Variants in SUGCT observed in about 807,000 individuals in gnomAD.
SUGCT encodes succinyl-CoA:glutarate CoA-transferase.
Under a neutral mutation model 55.0 loss-of-function variants are expected in SUGCT, and 41 were observed. That is an observed-to-expected ratio of 0.74 (90% CI 0.58 to 0.97). SUGCT has a LOEUF of 0.97. Ranked by LOEUF, SUGCT falls within the 50% of genes least tolerant of loss-of-function variation. The pLI, the probability that SUGCT is intolerant of heterozygous loss-of-function variation, is 0.00. For synonymous variants in SUGCT, 187 were observed against 200.4 expected, an observed-to-expected ratio of 0.93 and a Z score of 0.56; for missense variants, 568 against 547.8, an observed-to-expected ratio of 1.04 and a Z score of -0.37.
intron 1 of SUGCT, among the ~76,000 whole-genome samples, chr7:40,138,600 T>C (rs1787818130): frequency 6.6e-6 from 1 of 152,222 alleles, no homozygotes; most frequent in Non-Finnish European, 1.5e-5. Flanking sequence ...TGCACTGATT[T>C]ACATTCCCAC....
At chr7:40,298,020 C>A (rs1263377887) in intron 8 of SUGCT, among the ~76,000 whole-genome samples, 1 of 151,346 alleles carries the variant, frequency 6.6e-6, no homozygotes, top group Non-Finnish European at 1.5e-5. Context: ...CCTTCCTTTC[C>A]TTTCCCTTCC....
chr7:40,888,413 T>G, the SUGCT span, among the ~76,000 whole-genome samples: 1 of 149,888 alleles, frequency 6.7e-6, no homozygotes. Flanking sequence ...ATCATGCCAC[T>G]GCACTCCAGT....
chr7:40,756,902 A>G (rs1019702025), intron 13 of SUGCT, among the ~76,000 whole-genome samples: 4 of 152,220 alleles, frequency 2.6e-5, no homozygotes, highest in African/African-American at 7.2e-5. Context: ...AAAAGAGGAA[A>G]GAGATGAAAG....
At position 40,857,621 on chromosome 7, in the gene SUGCT, T is replaced by C. The variant is rs1794253679; in HGVS notation, c.1154-2695T>C. ...AACTGCCCTTTAGTTTGGCTGGACC[T>C]GAAGAATTCCCTCATTCGATCACTG... On this transcript the variant is annotated intron_variant, in intron 13 of 13. Transcript: ENST00000335693. Among the ~76,000 whole-genome samples the C allele has an allele frequency of 3.3e-5, 5 of 152,290 alleles. No homozygotes were observed. The South Asian group carries it at 1.0e-3, about 32-fold the overall frequency.
At chr7:40,195,195 G>A in intron 6 of SUGCT, 135 bp downstream of exon 6, 1 of 881,542 alleles carries the variant, frequency 1.1e-6, no homozygotes, top group Non-Finnish European at 1.6e-6. Context: ...GGCCGTTTAG[G>A]TTGCTGAACT....
At chr7:40,876,667 A>G in the SUGCT span, among the ~76,000 whole-genome samples, 1 of 152,190 alleles carries the variant, frequency 6.6e-6, no homozygotes, top group African/African-American at 2.4e-5. Flanking sequence ...TCACCACCAT[A>G]AATCAGAGGC....
chr7:40,616,915 T>A (rs757568242), intron 12 of SUGCT, among the ~76,000 whole-genome samples: 2 of 152,230 alleles, frequency 1.3e-5, no homozygotes, highest in African/African-American at 2.4e-5. Flanking sequence ...TTTTCCCATT[T>A]GCATGTAAAA....
chr7:40,219,493 A>G (rs1162331708), intron 6 of SUGCT, among the ~76,000 whole-genome samples: 3 of 152,216 alleles, frequency 2.0e-5, no homozygotes, highest in African/African-American at 7.2e-5. Flanking sequence ...CCTGGCTCCC[A>G]CTTTTCCAAA....
At chr7:40,513,783 A>ATTTTTTTTTTTTTTTTTTT (rs869065628) in intron 12 of SUGCT, among the ~76,000 whole-genome samples, 1 of 103,992 alleles carries the variant, frequency 9.6e-6, no homozygotes, top group East Asian at 2.6e-4. Context: ...TCAGGGAAGT[A>ATTTTTTTTTTTTTTTTTTT]TTTTTTTTTT....
At chr7:41,013,123 C>T in the SUGCT span, among the ~76,000 whole-genome samples, 3 of 152,146 alleles carry the variant, frequency 2.0e-5, no homozygotes, top group Non-Finnish European at 2.9e-5. Context: ...TTTTGTCCCA[C>T]ACACTCTGCT....
At chr7:40,833,790 A>G (rs1243084571) in intron 13 of SUGCT, among the ~76,000 whole-genome samples, 1 of 104,162 alleles carries the variant, frequency 9.6e-6, no homozygotes, top group Non-Finnish European at 2.1e-5. Context: ...TTTAGAACAG[A>G]GAGTTCTCCT....
chr7:40,513,581 C>T (rs1200899163), intron 12 of SUGCT, among the ~76,000 whole-genome samples: 1 of 152,134 alleles, frequency 6.6e-6, no homozygotes, highest in East Asian at 1.9e-4. Flanking sequence ...CTCAGGGATA[C>T]TCTTGTACAG....
chr7:40,888,522 A>G, the SUGCT span, among the ~76,000 whole-genome samples: 1 of 152,154 alleles, frequency 6.6e-6, no homozygotes, highest in Non-Finnish European at 1.5e-5. Flanking sequence ...GTGTTTGAAA[A>G]ATTAAAATAA....
chr7:40,846,987 C>T (rs1327808748), intron 13 of SUGCT, among the ~76,000 whole-genome samples: 1 of 152,156 alleles, frequency 6.6e-6, no homozygotes, highest in Non-Finnish European at 1.5e-5. Flanking sequence ...CGTGTAAGTA[C>T]TCAATAAATA....
At chr7:41,014,017 C>G in the SUGCT span, among the ~76,000 whole-genome samples, 1 of 152,138 alleles carries the variant, frequency 6.6e-6, no homozygotes, top group African/African-American at 2.4e-5. Flanking sequence ...GACAGTGAGT[C>G]TATTATGGCT....
chr7:40,143,161 T>G (rs906393917), intron 1 of SUGCT, among the ~76,000 whole-genome samples: 2 of 152,174 alleles, frequency 1.3e-5, no homozygotes, highest in Non-Finnish European at 2.9e-5. Context: ...GACTAGAGCA[T>G]AAATACTGCT....
intron 12 of SUGCT, among the ~76,000 whole-genome samples, chr7:40,707,280 C>T (rs912919657): frequency 8.1e-5 from 12 of 148,994 alleles, no homozygotes; most frequent in African/African-American, 2.7e-4. Flanking sequence ...GCAAAGAGAA[C>T]GTTTTCTTCG....
the SUGCT span, among the ~76,000 whole-genome samples, chr7:40,949,421 T>C: frequency 1.3e-5 from 2 of 152,186 alleles, no homozygotes; most frequent in South Asian, 2.1e-4. Flanking sequence ...TTCACTCTGA[T>C]GGTAGTTTCT....
At position 40,838,468 on chromosome 7, in the gene SUGCT, A is replaced by G. The variant is rs531359871; in HGVS notation, c.1154-21848A>G. Among the ~76,000 whole-genome samples the G allele has an allele frequency of 2.4e-4, 37 of 152,326 alleles. No homozygotes were observed. In the South Asian group the frequency reaches 5.4e-3, roughly 22 times the overall value. On this transcript the variant is annotated intron_variant, in intron 13 of 13. Coordinates refer to ENST00000335693, the MANE Select transcript of SUGCT (RefSeq NM_001193313.2). ...GCATTTTGTAATGTTCAGCATACTT[A>G]AAAGCTTTGTTAATTTTATACCTAT... is the stretch of plus-strand genomic sequence containing the variant.
Sources: gnomAD v4.1 joint callset for allele counts (sites outside exome capture counted in the v4.1 genomes callset) on GRCh38, gnomAD v4.1.1 for gene constraint, MANE v1.5 for transcripts, NCBI Gene and HGNC (gene_info 2026-07-23, HGNC 2026-07-21) for gene names.